SCN7A: variants seen among roughly 807,000 people sequenced by gnomAD.
SCN7A encodes the protein sodium channel protein type 7 subunit alpha.
In SCN7A, 138 loss-of-function variants were observed where a neutral mutation model predicts 155.2. The observed-to-expected ratio is 0.89, with a 90% confidence interval of 0.77 to 1.02. SCN7A has a LOEUF of 1.02. SCN7A is among the 50% of genes least tolerant of loss of function. The pLI, the probability that SCN7A is intolerant of heterozygous loss-of-function variation, is 0.00. For synonymous variants in SCN7A, 693 were observed against 649.0 expected (o/e 1.07, Z -1.03); for missense variants, 2,058 against 1,986.6 (o/e 1.04, Z -0.68).
chr2:166,487,895 A>T (rs1308854070), intron 1 of SCN7A, among the ~76,000 whole-genome samples: 1 of 152,202 alleles, frequency 6.6e-6, no homozygotes, highest in Non-Finnish European at 1.5e-5. Flanking sequence ...CTTCTCACTT[A>T]GTTGTTTTCA....
intron 10 of SCN7A, among the ~76,000 whole-genome samples, chr2:166,459,788 A>G (rs553976116): frequency 6.6e-6 from 1 of 152,346 alleles, no homozygotes; most frequent in East Asian, 1.9e-4. Flanking sequence ...ATGGAATACT[A>G]TGCAGCCATA....
At chr2:166,457,132 T>G (rs1185504545) in intron 10 of SCN7A, 56 bp from the exon 11 acceptor site, 4 of 1,282,834 alleles carry the variant, frequency 3.1e-6, no homozygotes, top group Non-Finnish European at 4.3e-6. Flanking sequence ...TCTTCCAGGA[T>G]TCTCCTATTT....
chr2:166,487,181 G>T (rs979670325), intron 1 of SCN7A, among the ~76,000 whole-genome samples: 9 of 152,118 alleles, frequency 5.9e-5, no homozygotes, highest in Admixed American at 5.2e-4. Context: ...TGTTGTTGAG[G>T]ATTAACTATT....
chr2:166,421,859 G>A (rs1414547938), intron 19 of SCN7A, among the ~76,000 whole-genome samples: 2 of 151,830 alleles, frequency 1.3e-5, no homozygotes, highest in East Asian at 3.9e-4. Context: ...ATATATTAAA[G>A]GTTAATAAAT....
intron 15 of SCN7A, among the ~76,000 whole-genome samples, chr2:166,438,356 T>C (rs1270569647): frequency 6.6e-6 from 1 of 152,150 alleles, no homozygotes; most frequent in Middle Eastern, 3.2e-3. Flanking sequence ...CCTATGTAAA[T>C]GTGAGTCAAT....
At chr2:166,427,234 T>C (rs1701643475) in intron 18 of SCN7A, among the ~76,000 whole-genome samples, 1 of 152,098 alleles carries the variant, frequency 6.6e-6, no homozygotes, top group South Asian at 2.1e-4. Flanking sequence ...CCTTTGCTAT[T>C]ATTACAAAAC....
chr2:166,446,463 G>A (rs1034606140), intron 12 of SCN7A, among the ~76,000 whole-genome samples: 1 of 152,130 alleles, frequency 6.6e-6, no homozygotes, highest in Non-Finnish European at 1.5e-5. Flanking sequence ...ACAGTGTGGC[G>A]ATTCCTCAAG....
chr2:166,459,027 T>C (rs6752588), intron 10 of SCN7A, among the ~76,000 whole-genome samples: 124 of 152,300 alleles, frequency 8.1e-4, no homozygotes, highest in African/African-American at 2.8e-3. Flanking sequence ...CATAAGGGAC[T>C]TGAGAATTCA....
At chr2:166,466,031 GA>G in intron 7 of SCN7A, 44 bp from the exon 8 acceptor site, 1 of 1,449,516 alleles carries the variant, frequency 6.9e-7, no homozygotes, top group South Asian at 1.2e-5. Flanking sequence ...TAATATCTTA[GA>G]AAAGCACTAT....
At chr2:166,442,993 G>T (rs969255919) in intron 14 of SCN7A, among the ~76,000 whole-genome samples, 5 of 152,074 alleles carry the variant, frequency 3.3e-5, no homozygotes, top group African/African-American at 1.2e-4. Flanking sequence ...CTTATCTAAA[G>T]CATATCATTT....
rs1701750469 is a variant in SCN7A, at chr2:166,432,387, T to A, written c.2523A>T (p.Gly841=). 6.2e-7 allele frequency: 1 copy of A among 1,613,326 alleles called. No individual in the cohort carries two copies. The highest frequency in any genetic ancestry group is 1.3e-5 in the African/African-American group (1 of 74,890). The stretch of plus-strand genomic sequence containing the variant: ...TATCCAGATTTTCTATATCAGATTC[T>A]CCTGAAGCAATTGGTACAGTTTCTG... ...SVSETVPIAS[G]ESDIENLDNK... is the part of the protein sequence containing the mutation. Residue 841 remains glycine (G), a synonymous_variant, in exon 16 of 26, where the codon GGA becomes GGT. Transcript: ENST00000643258.
intron 21 of SCN7A, chr2:166,414,838 A>T (rs1212988980): frequency 7.4e-6 from 1 of 135,736 alleles, no homozygotes; most frequent in Non-Finnish European, 1.5e-5. Context: ...TAGGATATAT[A>T]TAATATATAG....
At chr2:166,414,122 A>T (rs1412490887) in intron 21 of SCN7A, among the ~76,000 whole-genome samples, 3 of 84,636 alleles carry the variant, frequency 3.5e-5, no homozygotes, top group African/African-American at 1.7e-4. Context: ...AATATATATA[A>T]TATATTATAT....
intron 8 of SCN7A, 108 bp downstream of exon 8, chr2:166,465,673 C>T (rs1432155462): frequency 3.8e-6 from 5 of 1,328,134 alleles, no homozygotes; most frequent in Non-Finnish European, 5.3e-6. Flanking sequence ...TTTCAACCAG[C>T]GCCTTTGGGA....
chr2:166,405,965 T>C lies in SCN7A; in HGVS notation c.4664A>G (p.Asn1555Ser), dbSNP rs766232238. ...GTCCAAAGCAATGAGCTGGCCCTTG[T>C]TTGGTTTTGCCATGAAAAGAGGAGG... is the stretch of plus-strand genomic sequence containing the variant. Reference protein sequence around the residue: ...LDPPLFMAKPNKGQLIALDLP... With the variant: ...LDPPLFMAKPSKGQLIALDLP... The change falls in exon 26 of 26, where the codon AAC (asparagine) becomes AGC (serine). Residue 1555 changes from asparagine (N) to serine (S), a missense_variant. Transcript: ENST00000643258. 4.3e-6 allele frequency: 7 copies of C among 1,612,938 alleles called. No individual in the cohort carries two copies. Among genetic ancestry groups the C allele is most frequent in the South Asian group, 1.1e-5 (1 of 91,026 alleles).
At chr2:166,435,848 T>C (rs1701828192) in intron 15 of SCN7A, among the ~76,000 whole-genome samples, 2 of 152,156 alleles carry the variant, frequency 1.3e-5, no homozygotes, top group African/African-American at 4.8e-5. Flanking sequence ...AGTCAGGTAC[T>C]ATATTTCACT....
intron 12 of SCN7A, 110 bp from the exon 13 acceptor site, chr2:166,445,110 G>C (rs1233687964): frequency 3.1e-6 from 2 of 649,946 alleles, no homozygotes; most frequent in Non-Finnish European, 5.4e-6. Context: ...AAGTTCAGGA[G>C]TTCGAGACCA....
intron 10 of SCN7A, 199 bp downstream of exon 10, chr2:166,462,190 A>T: frequency 2.0e-6 from 1 of 498,068 alleles, no homozygotes; most frequent in Non-Finnish European, 3.4e-6. Flanking sequence ...AATTGTTTCA[A>T]AGATTAAATA....
Position 166,485,552 on chromosome 2 carries a change from C to G in SCN7A, c.-15+1304G>C, listed in dbSNP as rs79952122. On this transcript the variant is annotated intron_variant, in intron 2 of 25. Coordinates refer to ENST00000643258, the MANE Select transcript of SCN7A (RefSeq NM_002976.4). ...GGACACGAATCACTGGGAATAAGAT[C>G]TTTTTGAGGGTCTCCTGCCTCACTG... Among the ~76,000 whole-genome samples the G allele has an allele frequency of 6.1e-3, 923 of 152,228 alleles. 4 individuals carry two copies. The highest frequency in any genetic ancestry group is 0.021 in the African/African-American group (886 of 41,536).
Sources: gnomAD v4.1 joint callset for allele counts (sites outside exome capture counted in the v4.1 genomes callset) on GRCh38, gnomAD v4.1.1 for gene constraint, MANE v1.5 for transcripts, NCBI Gene and HGNC (gene_info 2026-07-23, HGNC 2026-07-21) for gene names.